NUP210L: variants seen among roughly 807,000 people sequenced by gnomAD.
NUP210L encodes nuclear pore membrane glycoprotein 210-like.
A neutral mutation model predicts 208.5 loss-of-function variants in NUP210L; 74 were observed. The ratio of observed to expected loss-of-function variants is 0.35; its 90% CI spans 0.29 to 0.43. NUP210L has a LOEUF of 0.43. Ranked by LOEUF, NUP210L falls within the 20% of genes least tolerant of loss-of-function variation. The probability of loss-of-function intolerance (pLI) is 1.00; values close to 1 mark genes in which losing one functional copy is unlikely to be tolerated. For missense variants in NUP210L, 1,843 were observed against 2,289.4 expected (o/e 0.81, Z 3.98); for synonymous variants, 780 against 816.9 (o/e 0.95, Z 0.77).
Position 154,131,084 on chromosome 1 carries a change from G to A in NUP210L, c.1010-1739C>T, listed in dbSNP as rs559825978. On this transcript the variant is annotated intron_variant, in intron 7 of 39. Coordinates refer to ENST00000368559, the Ensembl canonical transcript of NUP210L. ...GATTGAGACCATCCTGGCTAACACG[G>A]TGAAACCCCGTCTCTGCTAAAAAAA... Among the ~76,000 whole-genome samples, 20 of 151,884 alleles carry A rather than the reference G, an allele frequency of 1.3e-4. No individual in the cohort carries two copies. The East Asian group carries it at 3.9e-3, about 29-fold the overall frequency.
At chr1:154,032,148 A>G (rs1298590710) in intron 27 of NUP210L, among the ~76,000 whole-genome samples, 1 of 152,218 alleles carries the variant, frequency 6.6e-6, no homozygotes. Context: ...CATTGTGAAT[A>G]GTGCTGCAAT....
chr1:154,126,523 T>A (rs1657989802), intron 9 of NUP210L, 60 bp from the exon 10 acceptor site: 1 of 1,438,944 alleles, frequency 6.9e-7, no homozygotes, highest in Admixed American at 2.2e-5. Flanking sequence ...TGAAGTCATC[T>A]TAATCCCAAA....
chr1:154,090,743 G>A (rs543316708), intron 15 of NUP210L, among the ~76,000 whole-genome samples: 15 of 152,042 alleles, frequency 9.9e-5, no homozygotes, highest in East Asian at 5.8e-4. Flanking sequence ...CCCGGGAGGC[G>A]GAGGTTGCAG....
chr1:154,046,410 G>A, intron 25 of NUP210L, 41 bp from the exon 26 acceptor site: 1 of 1,523,378 alleles, frequency 6.6e-7, no homozygotes, highest in Non-Finnish European at 9.1e-7. Flanking sequence ...CTAAGAGGGA[G>A]TTTCTGTGGG....
rs1425829370 is a variant in NUP210L, at chr1:154,001,990, A to G, written c.4931-5T>C. 2 of 1,610,540 alleles carry G rather than the reference A, an allele frequency of 1.2e-6. No homozygotes were observed. The highest frequency in any genetic ancestry group is 1.7e-5 in the Admixed American group (1 of 59,672). On this transcript the variant is annotated splice_polypyrimidine_tract_variant and splice_region_variant and intron_variant, in intron 35 of 39. Coordinates refer to ENST00000368559, the Ensembl canonical transcript of NUP210L. ...TGATTATGCAGACATAAACCCCTGG[A>G]AAAAAAAGAGGAAAAACTGAGCAGG... is the stretch of plus-strand genomic sequence containing the variant.
intron 7 of NUP210L, among the ~76,000 whole-genome samples, chr1:154,134,288 C>A (rs1658405104): frequency 6.6e-6 from 1 of 151,772 alleles, no homozygotes; most frequent in South Asian, 2.1e-4. Flanking sequence ...GAATGAATTT[C>A]TTTCAGATTA....
intron 13 of NUP210L, 126 bp downstream of exon 13, chr1:154,103,886 A>G (rs1045716071): frequency 1.5e-6 from 1 of 687,300 alleles, no homozygotes; most frequent in Non-Finnish European, 2.4e-6. Context: ...AACTTAGACT[A>G]TAATTGGTAG....
intron 31 of NUP210L, among the ~76,000 whole-genome samples, 183 bp downstream of exon 31, chr1:154,022,939 A>C: frequency 6.6e-6 from 1 of 152,192 alleles, no homozygotes; most frequent in South Asian, 2.1e-4. Context: ...AGCCTCCCAA[A>C]GTGCTGAGGT....
At position 154,012,241 on chromosome 1, in the gene NUP210L, G is replaced by A; in HGVS notation, c.4780+3C>T. 1 of 1,613,282 alleles carries A rather than the reference G, an allele frequency of 6.2e-7. No homozygotes were observed. The highest frequency in any genetic ancestry group is 8.5e-7 in the Non-Finnish European group (1 of 1,179,692). On this transcript the variant is annotated splice_donor_region_variant and intron_variant, in intron 34 of 39. Coordinates refer to ENST00000368559, the Ensembl canonical transcript of NUP210L. ...TCACTGAAACCATGAAGAGATTCCTGACCTTTAAGATTGACACCATTTCTG... is the reference window on the plus strand; with the variant it reads ...TCACTGAAACCATGAAGAGATTCCTAACCTTTAAGATTGACACCATTTCTG...
intron 7 of NUP210L, among the ~76,000 whole-genome samples, chr1:154,134,662 C>T (rs1349097067): frequency 2.5e-5 from 3 of 122,236 alleles, no homozygotes; most frequent in Admixed American, 1.1e-4. Flanking sequence ...GCGTGAACCC[C>T]GGGGGCGGAG....
chr1:154,098,364 C>T (rs1656280116), intron 14 of NUP210L, among the ~76,000 whole-genome samples: 1 of 152,126 alleles, frequency 6.6e-6, no homozygotes, highest in Non-Finnish European at 1.5e-5. Flanking sequence ...ATGTTTCAGC[C>T]CTGTTTGTGT....
At chr1:154,009,282 A>T (rs1159003043) in intron 35 of NUP210L, among the ~76,000 whole-genome samples, 1 of 152,090 alleles carries the variant, frequency 6.6e-6, no homozygotes, top group African/African-American at 2.4e-5. Flanking sequence ...TCCTAACATC[A>T]TGCCTATTTC....
chr1:154,072,969 G>A (rs996986290), intron 16 of NUP210L, among the ~76,000 whole-genome samples: 3 of 151,520 alleles, frequency 2.0e-5, no homozygotes, highest in Admixed American at 6.6e-5. Context: ...GGAACAGTCA[G>A]TAGAGTAAAC....
intron 33 of NUP210L, 109 bp downstream of exon 33, chr1:154,018,824 T>C (rs2147922834): frequency 7.8e-7 from 1 of 1,281,384 alleles, no homozygotes; most frequent in South Asian, 1.5e-5. Flanking sequence ...TGGCTTTATA[T>C]CTGTTTTATG....
chr1:153,995,885 C>A, intron 37 of NUP210L: 1 of 559,432 alleles, frequency 1.8e-6, no homozygotes, highest in Non-Finnish European at 3.5e-6. Context: ...GTGACTGGAT[C>A]AAGTGTGCTC....
At chr1:154,131,603 C>G (rs1345160985) in intron 7 of NUP210L, among the ~76,000 whole-genome samples, 1 of 151,634 alleles carries the variant, frequency 6.6e-6, no homozygotes, top group Non-Finnish European at 1.5e-5. Flanking sequence ...CTTTTTCAAA[C>G]TTATTTGTTT....
chr1:154,036,769 T>C (rs959843895), intron 27 of NUP210L, among the ~76,000 whole-genome samples: 1 of 151,956 alleles, frequency 6.6e-6, no homozygotes, highest in African/African-American at 2.4e-5. Flanking sequence ...TGGACTTTTT[T>C]TTTCTTTTGA....
intron 20 of NUP210L, 75 bp from the exon 21 acceptor site, chr1:154,058,768 C>T: frequency 6.8e-7 from 1 of 1,476,876 alleles, no homozygotes; most frequent in East Asian, 2.3e-5. Context: ...TATTTTCACC[C>T]AAAGCAGAAT....
exon 36 of NUP210L, chr1:154,001,927 G>A: frequency 6.2e-7 from 1 of 1,614,064 alleles, no homozygotes; most frequent in Non-Finnish European, 8.5e-7. Context: ...CAGCCACACT[G>A]AGGGCCTGTA....
Sources: allele counts gnomAD v4.1 joint callset (sites outside exome capture counted in the v4.1 genomes callset), GRCh38; gene constraint gnomAD v4.1.1; transcripts MANE v1.5; gene names NCBI Gene and HGNC (gene_info 2026-07-23, HGNC 2026-07-21).